MIGA1: variants seen among roughly 807,000 people sequenced by gnomAD.
The protein encoded by MIGA1 is family with sequence similarity 73, member A.
MIGA1 carries 58 observed loss-of-function variants against 82.0 expected under a neutral mutation model. The observed-to-expected ratio is 0.71, with a 90% CI of 0.57 to 0.88. The LOEUF is 0.88. Among genes scored for constraint, MIGA1 ranks in the 40% least tolerant of loss-of-function variants. The probability of loss-of-function intolerance (pLI) is 0.00; values close to 1 mark genes in which losing one functional copy is unlikely to be tolerated. For missense variants in MIGA1, 751 were observed against 749.1 expected (o/e 1.00, Z -0.03); for synonymous variants, 249 against 253.6 (o/e 0.98, Z 0.17).
In MIGA1 at chr1:77,875,347, G is replaced by A. The variant is rs2101992395; in HGVS notation, c.*283G>A. 1 of 299,056 alleles carries A rather than the reference G, an allele frequency of 3.3e-6. No homozygotes were observed. The highest frequency in any genetic ancestry group is 5.2e-5 in the South Asian group (1 of 19,224). The allele number at this position is 299,056 out of a possible 1,614,324, so 18.5% of individuals were successfully genotyped here. On this transcript the variant is annotated 3_prime_UTR_variant, in exon 16 of 16. Coordinates refer to ENST00000370791, the MANE Select transcript of MIGA1 (RefSeq NM_198549.4). ...ATCGCTTGAATTGAAGCCAATATTT[G>A]GGAGTTAATTGGTTTGTCTTCTTGA... is the stretch of plus-strand genomic sequence containing the variant.
intron 7 of MIGA1, among the ~76,000 whole-genome samples, chr1:77,836,298 G>A (rs2101871483): frequency 6.6e-6 from 1 of 152,308 alleles, no homozygotes; most frequent in East Asian, 1.9e-4. Context: ...CAGCTAATAA[G>A]TAACAGAGTC....
chr1:77,813,116 T>C (rs181923183), intron 5 of MIGA1, among the ~76,000 whole-genome samples: 2 of 152,144 alleles, frequency 1.3e-5, no homozygotes, highest in East Asian at 1.9e-4. Context: ...TGAGTAGCCA[T>C]GATTACAGGC....
intron 14 of MIGA1, 105 bp from the exon 15 acceptor site, chr1:77,872,899 A>C: frequency 2.8e-6 from 4 of 1,452,420 alleles, no homozygotes; most frequent in Non-Finnish European, 9.4e-7. Flanking sequence ...AAATTTTCTT[A>C]AACTCCCACT....
intron 2 of MIGA1, among the ~76,000 whole-genome samples, chr1:77,790,183 A>T (rs924115886): frequency 1.3e-5 from 2 of 152,244 alleles, no homozygotes; most frequent in Non-Finnish European, 2.9e-5. Context: ...CCATTTTATC[A>T]TATGCATAGA....
intron 7 of MIGA1, among the ~76,000 whole-genome samples, chr1:77,839,825 C>G (rs1364286908): frequency 2.6e-5 from 4 of 152,128 alleles, no homozygotes; most frequent in Non-Finnish European, 5.9e-5. Flanking sequence ...TCACTGCAGC[C>G]TCTGCCTCCC....
intron 2 of MIGA1, among the ~76,000 whole-genome samples, chr1:77,789,248 C>T (rs1225450639): frequency 7.4e-6 from 1 of 135,558 alleles, no homozygotes; most frequent in South Asian, 2.6e-4. Flanking sequence ...TGCTTTGTTG[C>T]CCGGGCTGCA....
intron 2 of MIGA1, among the ~76,000 whole-genome samples, chr1:77,787,000 T>TA (rs1246495702): frequency 6.6e-6 from 1 of 152,200 alleles, no homozygotes; most frequent in African/African-American, 2.4e-5. Flanking sequence ...TTATTGGACT[T>TA]ACAGTTCCAT....
chr1:77,832,262 A>C (rs1684270600), intron 7 of MIGA1, among the ~76,000 whole-genome samples: 1 of 152,234 alleles, frequency 6.6e-6, no homozygotes, highest in Admixed American at 6.5e-5. Context: ...TTCCTAATCT[A>C]TGTTTTTACA....
intron 2 of MIGA1, among the ~76,000 whole-genome samples, chr1:77,789,655 T>G (rs1253789537): frequency 6.6e-6 from 1 of 152,198 alleles, no homozygotes; most frequent in Non-Finnish European, 1.5e-5. Context: ...CCATTGCATT[T>G]ATTTATTCTT....
At chr1:77,865,627 T>C (rs2101956378) in intron 13 of MIGA1, among the ~76,000 whole-genome samples, 1 of 152,264 alleles carries the variant, frequency 6.6e-6, no homozygotes, top group Non-Finnish European at 1.5e-5. Flanking sequence ...ACTTTATTAT[T>C]ACACATAGAA....
chr1:77,849,020 C>T (rs562921995), intron 8 of MIGA1, among the ~76,000 whole-genome samples: 6 of 152,224 alleles, frequency 3.9e-5, no homozygotes, highest in Admixed American at 2.0e-4. Flanking sequence ...TTATCAATAC[C>T]ACATTCTTTG....
chr1:77,844,972 ACT>A (rs1175166151), intron 8 of MIGA1, among the ~76,000 whole-genome samples: 2 of 152,010 alleles, frequency 1.3e-5, no homozygotes, highest in Non-Finnish European at 2.9e-5. Context: ...ACAGAGTGAG[ACT>A]CTGTCTCACA....
At chr1:77,789,201 C>CT (rs148055304) in intron 2 of MIGA1, among the ~76,000 whole-genome samples, 14,101 of 108,778 alleles carry the variant, frequency 0.13, 1,612 homozygotes, top group African/African-American at 0.27. Flanking sequence ...GGGGCGGTTG[C>CT]TTTTTTTTTT....
intron 13 of MIGA1, among the ~76,000 whole-genome samples, chr1:77,865,557 C>T (rs1685632709): frequency 6.6e-6 from 1 of 151,978 alleles, no homozygotes; most frequent in South Asian, 2.1e-4. Flanking sequence ...CACTCCTTTG[C>T]ACTTCAGCCT....
chr1:77,819,724 C>A (rs900935172), intron 7 of MIGA1, among the ~76,000 whole-genome samples: 1 of 152,154 alleles, frequency 6.6e-6, no homozygotes, highest in Non-Finnish European at 1.5e-5. Flanking sequence ...GCTGGGACTA[C>A]AGGCACTTGC....
At position 77,805,628 on chromosome 1, in the gene MIGA1, C is replaced by T. The variant is rs368574745; in HGVS notation, c.511-1347C>T. ...CACTGCAACCTCCATCTCCCGGGTT[C>T]CAGTGATTCTCCTGCCTCAGCCTCC... is the stretch of plus-strand genomic sequence containing the variant. On this transcript the variant is annotated intron_variant, in intron 4 of 15. Coordinates refer to ENST00000370791, the MANE Select transcript of MIGA1 (RefSeq NM_198549.4). 2.0e-5 allele frequency among the ~76,000 whole-genome samples: 3 copies of T among 151,000 alleles called. No homozygotes were observed. The South Asian group carries it at 6.3e-4, about 32-fold the overall frequency.
chr1:77,807,910 C>G lies in MIGA1; in HGVS notation c.637+809C>G, dbSNP rs377598911. On this transcript the variant is annotated intron_variant, in intron 5 of 15. Coordinates refer to ENST00000370791, the MANE Select transcript of MIGA1 (RefSeq NM_198549.4). ...ATCGGCTCACCGCAACCTCCACCTC[C>G]CGGGTTCAAGTGATTCTCATGCCTC... Among the ~76,000 whole-genome samples, 16 of 152,166 alleles carry G rather than the reference C, an allele frequency of 1.1e-4. No individual in the cohort carries two copies. In the East Asian group the frequency reaches 1.3e-3, roughly 13 times the overall value.
At chr1:77,859,967 G>A in intron 10 of MIGA1, 73 bp from the exon 11 acceptor site, 1 of 914,368 alleles carries the variant, frequency 1.1e-6, no homozygotes, top group Non-Finnish European at 1.7e-6. Context: ...AGGATTATTT[G>A]TGCTATTAAG....
chr1:77,818,297 AT>A (rs919585779), intron 7 of MIGA1, among the ~76,000 whole-genome samples: 2 of 151,544 alleles, frequency 1.3e-5, no homozygotes, highest in African/African-American at 4.8e-5. Flanking sequence ...CTAATTTTGT[AT>A]TTTTAGTAGA....
Sources: allele counts gnomAD v4.1 joint callset (sites outside exome capture counted in the v4.1 genomes callset), GRCh38; gene constraint gnomAD v4.1.1; transcripts MANE v1.5; gene names NCBI Gene and HGNC (gene_info 2026-07-23, HGNC 2026-07-21).